The following EIF3L variants were observed in gnomAD, a reference collection of about 807,000 sequenced individuals.
EIF3L encodes the protein eukaryotic translation initiation factor 3 subunit L, also known as eIEF associated protein HSPC021.
A neutral mutation model predicts 74.6 loss-of-function variants in EIF3L; 32 were observed. The observed-to-expected ratio is 0.43, with a 90% CI of 0.32 to 0.58. EIF3L has a LOEUF of 0.58. EIF3L is among the 20% of genes least tolerant of loss of function. EIF3L has a pLI of 0.06. For synonymous variants in EIF3L, 256 were observed against 254.4 expected (o/e 1.01, Z -0.06); for missense variants, 474 against 707.8 (o/e 0.67, Z 3.75).
At chr22:37,860,121 C>G (rs147843132) in intron 5 of EIF3L, among the ~76,000 whole-genome samples, 143 of 152,342 alleles carry the variant, frequency 9.4e-4, no homozygotes, top group African/African-American at 3.2e-3. Flanking sequence ...ATTCAGCTGT[C>G]AGCATCTGCA....
intron 5 of EIF3L, among the ~76,000 whole-genome samples, chr22:37,861,697 A>AT (rs1387383771): frequency 4.6e-5 from 7 of 152,026 alleles, no homozygotes; most frequent in African/African-American, 1.4e-4. Flanking sequence ...AAAAAAAAAA[A>AT]GTAAAGATTC....
chr22:37,876,160 C>A, intron 10 of EIF3L, 149 bp downstream of exon 10: 1 of 780,160 alleles, frequency 1.3e-6, no homozygotes, highest in Non-Finnish European at 2.0e-6. Context: ...ATTGTGCCTA[C>A]TAATAGATCA....
At chr22:37,866,709 C>T (rs970257123) in intron 7 of EIF3L, among the ~76,000 whole-genome samples, 5 of 152,090 alleles carry the variant, frequency 3.3e-5, no homozygotes, top group African/African-American at 1.2e-4. Flanking sequence ...TCGCTTGAAC[C>T]TGGGAGGTGG....
In EIF3L at chr22:37,888,487, A is replaced by C. The variant is rs762722281; in HGVS notation, c.*23A>C. 4 of 1,612,624 alleles carry C rather than the reference A, an allele frequency of 2.5e-6. No homozygotes were observed. The South Asian group carries it at 4.4e-5, about 18-fold the overall frequency. ...TGATGATATTCACACACATTCAGGA[A>C]CCTGTTTTGATGTATTATAGGCAGG... On this transcript the variant is annotated 3_prime_UTR_variant, in exon 13 of 13. Transcript: ENST00000652021.
At chr22:37,868,634 C>CTTTTTTTTTTTTTTTTTTTTTTTTT (rs71195065) in intron 7 of EIF3L, among the ~76,000 whole-genome samples, 4 of 25,132 alleles carry the variant, frequency 1.6e-4, no homozygotes, top group South Asian at 1.5e-3. Context: ...TGTTTTGGTG[C>CTTTTTTTTTTTTTTTTTTTTTTTTT]TTTTTTTTTT....
At chr22:37,854,346 G>A (rs968071492) in intron 3 of EIF3L, among the ~76,000 whole-genome samples, 2 of 152,206 alleles carry the variant, frequency 1.3e-5, no homozygotes, top group African/African-American at 2.4e-5. Context: ...CAAGGTCAAT[G>A]TCAGTAGAGT....
Position 37,880,292 on chromosome 22 carries a change from T to G in EIF3L, c.1575+2121T>G, listed in dbSNP as rs551471497. On this transcript the variant is annotated intron_variant, in intron 11 of 12. Transcript: ENST00000652021. ...CACACCTGGCTAATTTTTTGTATTT[T>G]TTAGTAGAGACGGGGTTTCACTGTG... 12 of 152,070 alleles carry G rather than the reference T, an allele frequency of 7.9e-5. No individual in the cohort carries two copies. In the East Asian group the frequency reaches 1.9e-3, roughly 25 times the overall value. 9.4% of individuals were successfully genotyped at this position (152,070 alleles called of 1,614,324 possible).
At chr22:37,885,908 A>C (rs1027007896) in intron 11 of EIF3L, 2 of 147,052 alleles carry the variant, frequency 1.4e-5, no homozygotes, top group Non-Finnish European at 3.0e-5. Context: ...AAAAAAGACG[A>C]GGCTGGGCAC....
chr22:37,867,502 T>C (rs1187903341), intron 7 of EIF3L, among the ~76,000 whole-genome samples: 1 of 150,884 alleles, frequency 6.6e-6, no homozygotes, highest in Non-Finnish European at 1.5e-5. Context: ...CTACTAAAAA[T>C]ACAAAAATTA....
At chr22:37,868,628 T>A (rs1197671091) in intron 7 of EIF3L, among the ~76,000 whole-genome samples, 2 of 118,214 alleles carry the variant, frequency 1.7e-5, no homozygotes, top group African/African-American at 6.8e-5. Context: ...TATTTTTGTT[T>A]TGGTGCTTTT....
chr22:37,875,816 A>G, intron 9 of EIF3L, 25 bp from the exon 10 acceptor site: 2 of 1,601,062 alleles, frequency 1.2e-6, no homozygotes, highest in South Asian at 1.1e-5. Context: ...GGACTCATGA[A>G]TGTTTGTTCT....
intron 8 of EIF3L, among the ~76,000 whole-genome samples, chr22:37,872,200 C>T (rs986051940): frequency 1.3e-5 from 2 of 151,996 alleles, no homozygotes; most frequent in Non-Finnish European, 2.9e-5. Flanking sequence ...TCACTGCATC[C>T]TCTGCCTCCG....
chr22:37,859,601 C>T (rs566024752), intron 5 of EIF3L, among the ~76,000 whole-genome samples: 1 of 151,560 alleles, frequency 6.6e-6, no homozygotes, highest in East Asian at 2.0e-4. Flanking sequence ...CCAGGATGGT[C>T]TCCATCTCCT....
chr22:37,878,413 C>T (rs1926866365), intron 11 of EIF3L: 6 of 178,226 alleles, frequency 3.4e-5, no homozygotes, highest in Admixed American at 7.5e-5. Context: ...GACCTTTTCT[C>T]TATTAAAAAA....
At chr22:37,859,489 C>T (rs1048543732) in intron 5 of EIF3L, among the ~76,000 whole-genome samples, 5 of 148,178 alleles carry the variant, frequency 3.4e-5, no homozygotes, top group African/African-American at 1.2e-4. Context: ...TCACGCCATT[C>T]TCCTGCCTCA....
At chr22:37,867,461 C>T (rs946502461) in intron 7 of EIF3L, among the ~76,000 whole-genome samples, 4 of 151,748 alleles carry the variant, frequency 2.6e-5, no homozygotes, top group Non-Finnish European at 4.4e-5. Context: ...GAGTTCGAGA[C>T]CAGCCTGGCC....
chr22:37,865,192 G>C (rs111773059), intron 7 of EIF3L, among the ~76,000 whole-genome samples: 1 of 152,140 alleles, frequency 6.6e-6, no homozygotes, highest in Admixed American at 6.5e-5. Context: ...TAGGCTGGGC[G>C]TGGTGGCTCA....
intron 7 of EIF3L, 130 bp from the exon 8 acceptor site, chr22:37,870,046 G>A: frequency 1.5e-6 from 1 of 681,194 alleles, no homozygotes; most frequent in Non-Finnish European, 2.4e-6. Context: ...GGTTTAGAAT[G>A]AGAAGTGGTC....
rs781481791 is a variant in EIF3L at position 37,855,623 on chromosome 22, A to G, written c.352A>G (p.Ile118Val). 2.5e-6 allele frequency: 4 copies of G among 1,614,122 alleles called. No individual in the cohort carries two copies. Among genetic ancestry groups the G allele is most frequent in the East Asian group, 2.2e-5 (1 of 44,888 alleles). The change falls in exon 4 of 13, where the codon ATT becomes GTT. Residue 118 changes from isoleucine to valine, a missense_variant. Ile to Val is a conservative substitution (Grantham distance 29). Coordinates refer to ENST00000652021, the MANE Select transcript of EIF3L (RefSeq NM_016091.4). Reference protein sequence around the residue: ...KNTPWPEAEAIAPQVGNDAVF... With the variant: ...KNTPWPEAEAVAPQVGNDAVF... ...TACACCTTGGCCCGAGGCTGAAGCC[A>G]TTGCTCCACAGGTTGGCAATGGTAG...
Sources: gnomAD v4.1 joint callset for allele counts (sites outside exome capture counted in the v4.1 genomes callset) on GRCh38, gnomAD v4.1.1 for gene constraint, MANE v1.5 for transcripts, NCBI Gene and HGNC (gene_info 2026-07-23, HGNC 2026-07-21) for gene names.